Variants in MCPH1 observed in about 807,000 individuals in gnomAD.
MCPH1 encodes microcephalin.
MCPH1 carries 104 observed loss-of-function variants against 84.5 expected under a neutral mutation model. The observed-to-expected ratio is 1.23, with a 90% CI of 1.05 to 1.45. The LOEUF (loss-of-function observed/expected upper bound fraction) is 1.45, where lower values mean the gene tolerates loss of function less well. Among genes scored for constraint, MCPH1 ranks in the 40% most tolerant of loss-of-function variants. The pLI is 0.00. For missense variants in MCPH1, 1,498 were observed against 1,005.7 expected (o/e 1.49, Z -6.62); for synonymous variants, 514 against 366.8 (o/e 1.40, Z -4.58).
chr8:6,624,080 G>C (rs773177129), intron 13 of MCPH1, among the ~76,000 whole-genome samples: 1 of 152,210 alleles, frequency 6.6e-6, no homozygotes, highest in Non-Finnish European at 1.5e-5. Context: ...GTGGAGTCAC[G>C]CTTGCTCGGC....
chr8:6,515,566 C>G (rs982232922), intron 12 of MCPH1, among the ~76,000 whole-genome samples: 9 of 152,096 alleles, frequency 5.9e-5, no homozygotes. Flanking sequence ...TTAAGCTAAG[C>G]GCATGCATGC....
intron 13 of MCPH1, among the ~76,000 whole-genome samples, chr8:6,630,037 T>A (rs1456128589): frequency 6.6e-6 from 1 of 152,232 alleles, no homozygotes; most frequent in African/African-American, 2.4e-5. Flanking sequence ...TGAAATGATC[T>A]CATTTTATTT....
At chr8:6,504,147 T>C (rs1007133895) in intron 12 of MCPH1, among the ~76,000 whole-genome samples, 12 of 151,384 alleles carry the variant, frequency 7.9e-5, no homozygotes, top group African/African-American at 2.7e-4. Context: ...TGAAACCCCG[T>C]CTCTACTAAA....
At chr8:6,521,449 C>G (rs1399178836) in intron 12 of MCPH1, 2 of 1,370,404 alleles carry the variant, frequency 1.5e-6, no homozygotes, top group South Asian at 1.3e-5. Context: ...GAAGGCTATT[C>G]TAATGAAATA....
At chr8:6,480,661 G>T in intron 10 of MCPH1, 53 bp from the exon 11 acceptor site, 1 of 1,602,046 alleles carries the variant, frequency 6.2e-7, no homozygotes, top group Non-Finnish European at 8.6e-7. Context: ...CTGCTTTGAT[G>T]GGCATGTGCA....
chr8:6,527,047 C>T (rs1323981267), intron 12 of MCPH1, among the ~76,000 whole-genome samples: 1 of 152,198 alleles, frequency 6.6e-6, no homozygotes, highest in African/African-American at 2.4e-5. Context: ...ATACTATAGA[C>T]CATTCTGCGT....
At position 6,510,172 on chromosome 8, in the gene MCPH1, A is replaced by G. The variant is rs199557878; in HGVS notation, c.2214+10243A>G. On this transcript the variant is annotated intron_variant, in intron 12 of 13. Coordinates refer to ENST00000344683, the MANE Select transcript of MCPH1 (RefSeq NM_024596.5). ...GGTTGTTTTTTCTTTTTTTTTTTTT[A>G]TTTTCCATAACTATGCTCAAGAGTT... 4.3e-4 allele frequency among the ~76,000 whole-genome samples: 53 copies of G among 122,196 alleles called. 1 individual carries two copies. Among genetic ancestry groups the G allele is most frequent in the African/African-American group, 6.5e-5 (2 of 30,724 alleles). The allele number at this position is 122,196 out of a possible 152,430, so 80.2% of individuals were successfully genotyped here.
At chr8:6,590,148 T>A (rs1828324984) in intron 12 of MCPH1, among the ~76,000 whole-genome samples, 1 of 151,496 alleles carries the variant, frequency 6.6e-6, no homozygotes, top group African/African-American at 2.4e-5. Flanking sequence ...CTGAAAAAAG[T>A]ATTTTTGCAG....
At chr8:6,622,866 T>A (rs1831609630) in intron 13 of MCPH1, among the ~76,000 whole-genome samples, 1 of 152,086 alleles carries the variant, frequency 6.6e-6, no homozygotes, top group Non-Finnish European at 1.5e-5. Context: ...TTTGAAACAG[T>A]GTCTCGCTCT....
At chr8:6,558,247 C>G (rs1824968454) in intron 12 of MCPH1, among the ~76,000 whole-genome samples, 1 of 152,138 alleles carries the variant, frequency 6.6e-6, no homozygotes, top group South Asian at 2.1e-4. Context: ...TCTCTGAGTG[C>G]TAATCTCCAA....
At chr8:6,532,336 G>C (rs1020960133) in intron 12 of MCPH1, 1 of 1,613,826 alleles carries the variant, frequency 6.2e-7, no homozygotes, top group African/African-American at 1.3e-5. Context: ...ACTTACTTGG[G>C]CTTCCACATC....
rs35427053 is a variant in MCPH1, at chr8:6,611,569, A to C, written c.2215-9885A>C. Among the ~76,000 whole-genome samples the C allele has an allele frequency of 0.017, 2,535 of 152,314 alleles. 216 individuals are homozygous for C. In the East Asian group the frequency reaches 0.27, roughly 16 times the overall value. ...CCTCTCAGGGGGCATCACCTCCTGC[A>C]CCAGGGTGTGTTCAACCCCAAAGCT... On this transcript the variant is annotated intron_variant, in intron 12 of 13. Transcript: ENST00000344683.
At position 6,452,593 on chromosome 8, in the gene MCPH1, G is replaced by T. The variant is rs138310579; in HGVS notation, c.1826-2550G>T. ...CTAACCCTCAATGGGATAACATTTGGATAGGGTGATCTTTGGAAGATAATT... is the reference window on the plus strand; with the variant it reads ...CTAACCCTCAATGGGATAACATTTGTATAGGGTGATCTTTGGAAGATAATT... On this transcript the variant is annotated intron_variant, in intron 8 of 13. Coordinates refer to ENST00000344683, the MANE Select transcript of MCPH1 (RefSeq NM_024596.5). Among the ~76,000 whole-genome samples, 814 of 152,340 alleles carry T rather than the reference G, an allele frequency of 5.3e-3. 4 individuals are homozygous for T. Among genetic ancestry groups the T allele is most frequent in the Non-Finnish European group, 7.9e-3 (538 of 68,034 alleles).
At chr8:6,500,351 T>C (rs1811913745) in intron 12 of MCPH1, 1 of 161,912 alleles carries the variant, frequency 6.2e-6, no homozygotes, top group South Asian at 1.7e-4. Context: ...CCACTTCAAC[T>C]TTCAAATGCT....
intron 12 of MCPH1, among the ~76,000 whole-genome samples, chr8:6,604,604 G>A (rs141541868): frequency 0.017 from 2,620 of 152,310 alleles, 31 homozygotes; most frequent in South Asian, 0.039. Context: ...TTTCAGGCTC[G>A]AGTGATTCTC....
At chr8:6,421,185 G>T (rs1406419039) in intron 3 of MCPH1, among the ~76,000 whole-genome samples, 1 of 152,096 alleles carries the variant, frequency 6.6e-6, no homozygotes, top group East Asian at 1.9e-4. Flanking sequence ...GTGCATGCCC[G>T]GGAAATGGCC....
At chr8:6,461,501 ATT>A (rs78168192) in intron 9 of MCPH1, among the ~76,000 whole-genome samples, 3 of 136,330 alleles carry the variant, frequency 2.2e-5, no homozygotes, top group Admixed American at 7.4e-5. Context: ...TAATTTTTCT[ATT>A]TTTTTTTTTT....
intron 12 of MCPH1, among the ~76,000 whole-genome samples, chr8:6,545,157 A>C (rs999634068): frequency 6.6e-6 from 1 of 152,160 alleles, no homozygotes; most frequent in African/African-American, 2.4e-5. Flanking sequence ...GATAGAAGTC[A>C]GAATAATGTC....
intron 12 of MCPH1, among the ~76,000 whole-genome samples, chr8:6,541,092 TG>T (rs1189785599): frequency 6.6e-6 from 1 of 152,166 alleles, no homozygotes; most frequent in Non-Finnish European, 1.5e-5. Flanking sequence ...AGGCATGGCC[TG>T]GGGGTTTGTG....
Sources: allele counts gnomAD v4.1 joint callset (sites outside exome capture counted in the v4.1 genomes callset), GRCh38; gene constraint gnomAD v4.1.1; transcripts MANE v1.5; gene names NCBI Gene and HGNC (gene_info 2026-07-23, HGNC 2026-07-21).